The following ECHDC1 variants were observed in gnomAD, a reference collection of about 807,000 sequenced individuals.
ECHDC1 encodes ethylmalonyl-CoA decarboxylase 1.
ECHDC1 carries 29 observed loss-of-function variants against 29.7 expected under a neutral mutation model. The observed-to-expected ratio is 0.98, with a 90% CI of 0.73 to 1.33. The LOEUF (loss-of-function observed/expected upper bound fraction) is 1.33. Among genes scored for constraint, ECHDC1 ranks in the 40% most tolerant of loss-of-function variants. ECHDC1 has a pLI of 0.00. For missense variants in ECHDC1, 328 were observed against 350.0 expected (o/e 0.94, Z 0.50); for synonymous variants, 126 against 123.1 (o/e 1.02, Z -0.15).
chr6:127,330,839 T>A lies in ECHDC1; in HGVS notation c.190A>T (p.Asn64Tyr). 6.2e-7 allele frequency: 1 copy of A among 1,614,018 alleles called. No individual in the cohort carries two copies. The highest frequency in any genetic ancestry group is 1.1e-5 in the South Asian group (1 of 91,068). The change falls in exon 2 of 6, where the codon AAC (asparagine) becomes TAC (tyrosine). Residue 64 changes from asparagine to tyrosine, a missense_variant. By Grantham distance (143) the Asn-to-Tyr change is moderately radical. Transcript: ENST00000454859. ...EDNGIGILTL[N>Y]NPSRMNAFSG... The stretch of plus-strand genomic sequence containing the variant: ...AAGGCATTCATTCTACTTGGATTGT[T>A]CAGAGTAAGAATGCCAATGCCATTG...
intron 3 of ECHDC1, chr6:127,326,656 G>A (rs995834032): frequency 7.9e-6 from 3 of 382,090 alleles, no homozygotes; most frequent in Non-Finnish European, 1.6e-5. Context: ...AGACAAAGTG[G>A]GGCATTTGAG....
At position 127,342,035 on chromosome 6, in the gene ECHDC1, T is replaced by G. The variant is rs79200921; in HGVS notation, c.-3+1301A>C. 8.5e-3 allele frequency among the ~76,000 whole-genome samples: 1,294 copies of G among 152,366 alleles called. 21 individuals are homozygous for G. The highest frequency in any genetic ancestry group is 0.03 in the African/African-American group (1,241 of 41,584). ...TTCAGTTCCTGAAATCCTTTTGATT[T>G]TTTCGCCATCTCAAGCTTTCGCATA... On this transcript the variant is annotated intron_variant, in intron 1 of 5. Transcript: ENST00000454859.
At chr6:127,322,272 A>G (rs944000938) in intron 3 of ECHDC1, among the ~76,000 whole-genome samples, 1 of 152,312 alleles carries the variant, frequency 6.6e-6, no homozygotes, top group South Asian at 2.1e-4. Context: ...CTGCCACTGC[A>G]CTCCAGCCTG....
intron 5 of ECHDC1, among the ~76,000 whole-genome samples, chr6:127,312,391 G>T (rs906053838): frequency 6.6e-6 from 1 of 152,110 alleles, no homozygotes; most frequent in African/African-American, 2.4e-5. Flanking sequence ...GTTCCCACCC[G>T]TCAAATGGCT....
chr6:127,305,243 C>CCTTA (rs1165230911), intron 5 of ECHDC1, among the ~76,000 whole-genome samples: 3 of 152,102 alleles, frequency 2.0e-5, no homozygotes, highest in Non-Finnish European at 4.4e-5. Flanking sequence ...TCAGTGAAAA[C>CCTTA]CTTACAGGCC....
At chr6:127,294,123 A>G (rs1172415898) in intron 5 of ECHDC1, among the ~76,000 whole-genome samples, 1 of 152,214 alleles carries the variant, frequency 6.6e-6, no homozygotes, top group African/African-American at 2.4e-5. Context: ...AACAAGATAA[A>G]TATCTTGAAA....
At chr6:127,319,711 GAGAAGTACTA>G (rs1482178181) in intron 3 of ECHDC1, among the ~76,000 whole-genome samples, 1 of 152,198 alleles carries the variant, frequency 6.6e-6, no homozygotes, top group East Asian at 1.9e-4. Flanking sequence ...GCTGGAAGCT[GAGAAGTACTA>G]AAACAAGGTT....
In ECHDC1 at chr6:127,295,562, C is replaced by A. The variant is rs370551283; in HGVS notation, c.498-5285G>T. On this transcript the variant is annotated intron_variant, in intron 5 of 5. Transcript: ENST00000454859. ...GCATCACCAAAAATCTCTAAAAAGGCAAATTTAATTTTTGATTATCAAAAT... is the reference window on the plus strand; with the variant it reads ...GCATCACCAAAAATCTCTAAAAAGGAAAATTTAATTTTTGATTATCAAAAT... Among the ~76,000 whole-genome samples the A allele has an allele frequency of 5.9e-5, 9 of 152,096 alleles. No homozygotes were observed. In the South Asian group the frequency reaches 1.7e-3, roughly 28 times the overall value.
At chr6:127,331,179 AC>A in intron 1 of ECHDC1, 149 bp from the exon 2 acceptor site, 1 of 637,400 alleles carries the variant, frequency 1.6e-6, no homozygotes, top group Admixed American at 3.1e-5. Context: ...AGACAATTTC[AC>A]CCTGTTGCCC....
chr6:127,331,673 TTGCATCACA>T (rs1438436077), intron 1 of ECHDC1, among the ~76,000 whole-genome samples: 1 of 152,218 alleles, frequency 6.6e-6, no homozygotes, highest in East Asian at 1.9e-4. Flanking sequence ...AGGTAGTCTT[TTGCATCACA>T]TGCTTCTTCA....
chr6:127,327,798 A>G (rs772536198), intron 2 of ECHDC1, among the ~76,000 whole-genome samples: 4 of 152,240 alleles, frequency 2.6e-5, no homozygotes, highest in Non-Finnish European at 4.4e-5. Flanking sequence ...TTACTCCAAA[A>G]TTCTATTGGA....
intron 5 of ECHDC1, among the ~76,000 whole-genome samples, chr6:127,291,420 T>C (rs1474929762): frequency 6.6e-6 from 1 of 151,994 alleles, no homozygotes. Flanking sequence ...AAGAAAGTTA[T>C]TGATAGTGGC....
In ECHDC1 at chr6:127,342,549, T is replaced by C. The variant is rs1785047393; in HGVS notation, c.-3+787A>G. On this transcript the variant is annotated intron_variant, in intron 1 of 5. Transcript: ENST00000454859. ...CACAAATATACTTCTCACCACAAGC[T>C]TGTCTGTTCCAAGAGAATGCTAGCT... 6 of 588,904 alleles carry C rather than the reference T, an allele frequency of 1.0e-5. No homozygotes were observed. In the Admixed American group the frequency reaches 1.3e-4, roughly 13 times the overall value. The allele number at this position is 588,904 out of a possible 1,614,324, so 36.5% of individuals were successfully genotyped here.
chr6:127,292,937 A>G (rs1028200779), intron 5 of ECHDC1, among the ~76,000 whole-genome samples: 5 of 152,128 alleles, frequency 3.3e-5, no homozygotes, highest in Non-Finnish European at 7.4e-5. Context: ...AGTGTCTTCT[A>G]ACTGTTTAAT....
At chr6:127,330,740 G>C in intron 2 of ECHDC1, 69 bp downstream of exon 2, 1 of 1,350,498 alleles carries the variant, frequency 7.4e-7, no homozygotes, top group South Asian at 1.2e-5. Context: ...ACCACAGCAA[G>C]GATAAAAAAA....
intron 5 of ECHDC1, among the ~76,000 whole-genome samples, chr6:127,303,263 AT>A (rs5879846): frequency 0.54 from 81,245 of 151,318 alleles, 23,902 homozygotes; most frequent in Non-Finnish European, 0.68. Flanking sequence ...ATTATAGAAT[AT>A]TTAGCTTATA....
At chr6:127,304,729 C>T (rs1355918639) in intron 5 of ECHDC1, among the ~76,000 whole-genome samples, 1 of 152,058 alleles carries the variant, frequency 6.6e-6, no homozygotes, top group Non-Finnish European at 1.5e-5. Context: ...AGCAGAAATT[C>T]TAGAGCTGAA....
At chr6:127,313,873 C>T (rs1457250538) in intron 5 of ECHDC1, among the ~76,000 whole-genome samples, 1 of 152,062 alleles carries the variant, frequency 6.6e-6, no homozygotes, top group Non-Finnish European at 1.5e-5. Flanking sequence ...ATGCTAAAAC[C>T]TATATTTTCA....
In ECHDC1 at chr6:127,314,800, G is replaced by GA; in HGVS notation, c.497+15dup. On this transcript the variant is annotated intron_variant, in intron 5 of 5. Coordinates refer to ENST00000454859, the MANE Select transcript of ECHDC1 (RefSeq NM_001002030.2). ...AATTATATTTGTGCAAGAAATTAAT[G>GA]AAATTTTCATCCTACCTGAAATCAC... 1 of 1,585,540 alleles carries GA rather than the reference G, an allele frequency of 6.3e-7. No homozygotes were observed. Among genetic ancestry groups the GA allele is most frequent in the Non-Finnish European group, 8.6e-7 (1 of 1,168,480 alleles).
Sources: allele counts gnomAD v4.1 joint callset (sites outside exome capture counted in the v4.1 genomes callset), GRCh38; gene constraint gnomAD v4.1.1; transcripts MANE v1.5; gene names NCBI Gene and HGNC (gene_info 2026-07-23, HGNC 2026-07-21).